PRELID2: variants seen among roughly 807,000 people sequenced by gnomAD.
PRELID2 encodes the protein PRELI domain-containing protein 2.
PRELID2 carries 25 observed loss-of-function variants against 28.4 expected under a neutral mutation model. The ratio of observed to expected loss-of-function variants is 0.88; its 90% CI spans 0.64 to 1.23. The LOEUF is 1.23. Ranked by LOEUF, PRELID2 falls within the 50% of genes most tolerant of loss-of-function variation. The pLI, the probability that PRELID2 is intolerant of heterozygous loss-of-function variation, is 0.00. For synonymous variants in PRELID2, 76 were observed against 71.6 expected (o/e 1.06, Z -0.31); for missense variants, 201 against 214.4 (o/e 0.94, Z 0.39).
At chr5:145,448,023 T>C in the PRELID2 span, among the ~76,000 whole-genome samples, 1 of 152,122 alleles carries the variant, frequency 6.6e-6, no homozygotes, top group African/African-American at 2.4e-5. Flanking sequence ...TATTTCTAGT[T>C]CTAGATCCCT....
chr5:145,381,770 T>A, the PRELID2 span: 2 of 152,170 alleles, frequency 1.3e-5, no homozygotes, highest in Non-Finnish European at 2.9e-5. Flanking sequence ...ATACCACAAG[T>A]TCAAGATAAT....
intron 2 of PRELID2, among the ~76,000 whole-genome samples, chr5:145,821,171 G>GTGTGTGTGTGTGTGTGTGTGTGTGTGTA (rs1754774415): frequency 1.0e-5 from 1 of 98,448 alleles, no homozygotes; most frequent in South Asian, 3.2e-4. Context: ...GTGTGTGTGT[G>GTGTGTGTGTGTGTGTGTGTGTGTGTGTA]TGTGTGTGTG....
the PRELID2 span, among the ~76,000 whole-genome samples, chr5:145,326,095 A>G: frequency 2.4e-3 from 367 of 152,260 alleles, no homozygotes; most frequent in African/African-American, 8.4e-3. Flanking sequence ...TGCAGCCTCA[A>G]TCTTTGAGCT....
chr5:145,432,204 A>G, the PRELID2 span, among the ~76,000 whole-genome samples: 1 of 152,144 alleles, frequency 6.6e-6, no homozygotes, highest in East Asian at 1.9e-4. Flanking sequence ...GTAGTCTATT[A>G]GGAATTTTAA....
At chr5:145,446,629 T>A in the PRELID2 span, among the ~76,000 whole-genome samples, 1 of 152,132 alleles carries the variant, frequency 6.6e-6, no homozygotes, top group Non-Finnish European at 1.5e-5. Flanking sequence ...CGATCGGACA[T>A]AGACCAACAG....
At chr5:145,782,386 A>C (rs1376809313) in intron 5 of PRELID2, among the ~76,000 whole-genome samples, 2 of 152,172 alleles carry the variant, frequency 1.3e-5, no homozygotes, top group Non-Finnish European at 2.9e-5. Flanking sequence ...GTGTGCTTCT[A>C]TTTCCTCATC....
chr5:145,740,265 AATATATATATATAT>A (rs70998029), intron 1 of PRELID2, among the ~76,000 whole-genome samples: 686 of 40,598 alleles, frequency 0.017, 19 homozygotes, highest in East Asian at 0.037. Flanking sequence ...GGATTTATCA[AATATATATATATAT>A]ATATATATAT....
At chr5:145,371,539 C>T in the PRELID2 span, among the ~76,000 whole-genome samples, 249 of 152,014 alleles carry the variant, frequency 1.6e-3, 2 homozygotes, top group Admixed American at 0.014. Flanking sequence ...ATTTTCATAC[C>T]AATGTTCATC....
In PRELID2 at chr5:145,835,207, G is replaced by A. The variant is rs1755859902; in HGVS notation, c.45C>T (p.Phe15=). 6.5e-7 allele frequency: 1 copy of A among 1,550,378 alleles called. No homozygotes were observed. The highest frequency in any genetic ancestry group is 2.4e-5 in the East Asian group (1 of 40,840). ...VDVHQVYKYP[F]EQVVASFLRK... ...GGAGAAAGCTGGCGACCACCTGCTC[G>A]AAGGGGTACTTGTACACCTGGTGCA... is the stretch of plus-strand genomic sequence containing the variant. Residue 15 remains phenylalanine (F), a synonymous_variant, in exon 1 of 7, where the codon TTC becomes TTT. Coordinates refer to ENST00000683046, the MANE Select transcript of PRELID2 (RefSeq NM_205846.3).
At chr5:145,423,185 C>A in the PRELID2 span, among the ~76,000 whole-genome samples, 11 of 151,320 alleles carry the variant, frequency 7.3e-5, no homozygotes, top group East Asian at 1.9e-4. Flanking sequence ...CCTTCATTTC[C>A]ACTTTGGTGA....
At chr5:145,376,490 A>T in the PRELID2 span, among the ~76,000 whole-genome samples, 2 of 152,088 alleles carry the variant, frequency 1.3e-5, no homozygotes, top group Non-Finnish European at 2.9e-5. Flanking sequence ...TCTTCTTTGT[A>T]CATCTGGTAG....
At chr5:145,809,780 C>T (rs1753806262) in intron 4 of PRELID2, among the ~76,000 whole-genome samples, 1 of 152,132 alleles carries the variant, frequency 6.6e-6, no homozygotes, top group Admixed American at 6.5e-5. Flanking sequence ...CTTGAAGATA[C>T]CAGAAAGTTT....
the PRELID2 span, among the ~76,000 whole-genome samples, chr5:145,237,683 C>T: frequency 6.6e-6 from 1 of 152,014 alleles, no homozygotes; most frequent in Non-Finnish European, 1.5e-5. Flanking sequence ...AGATTCATTC[C>T]CTCTCACAGG....
At chr5:145,237,053 G>A in the PRELID2 span, among the ~76,000 whole-genome samples, 3 of 152,098 alleles carry the variant, frequency 2.0e-5, no homozygotes, top group Non-Finnish European at 4.4e-5. Flanking sequence ...AAAAGTATTA[G>A]GAGGCATCAC....
At chr5:145,586,981 G>A (rs190639958) in intron 1 of PRELID2, among the ~76,000 whole-genome samples, 11 of 152,016 alleles carry the variant, frequency 7.2e-5, no homozygotes, top group Admixed American at 3.9e-4. Context: ...ATACACACAC[G>A]CACACACACA....
the PRELID2 span, among the ~76,000 whole-genome samples, chr5:145,400,795 C>T: frequency 1.3e-5 from 2 of 152,124 alleles, no homozygotes; most frequent in Non-Finnish European, 2.9e-5. Flanking sequence ...CTCTGAAACT[C>T]ACTACCCTAC....
chr5:145,414,496 T>G, the PRELID2 span, among the ~76,000 whole-genome samples: 4 of 152,214 alleles, frequency 2.6e-5, no homozygotes, highest in African/African-American at 9.6e-5. Flanking sequence ...CTATTATTAT[T>G]CTCAGTCTGT....
At chr5:145,387,649 A>G in the PRELID2 span, among the ~76,000 whole-genome samples, 1 of 152,162 alleles carries the variant, frequency 6.6e-6, no homozygotes. Flanking sequence ...AAGACAAACT[A>G]GGCTGAGCAT....
the PRELID2 span, among the ~76,000 whole-genome samples, chr5:145,301,070 G>A: frequency 6.6e-6 from 1 of 152,004 alleles, no homozygotes; most frequent in Non-Finnish European, 1.5e-5. Flanking sequence ...ATATCCAAAA[G>A]AGTTATCCCA....
Sources: gnomAD v4.1 joint callset for allele counts (sites outside exome capture counted in the v4.1 genomes callset) on GRCh38, gnomAD v4.1.1 for gene constraint, MANE v1.5 for transcripts, NCBI Gene and HGNC (gene_info 2026-07-23, HGNC 2026-07-21) for gene names.